Variants in IQSEC1 observed in about 807,000 individuals in gnomAD.
IQSEC1 encodes IQ motif and Sec7 domain ArfGEF 1.
IQSEC1 carries 31 observed loss-of-function variants against 91.0 expected under a neutral mutation model. The observed-to-expected ratio is 0.34, with a 90% CI of 0.26 to 0.46. The LOEUF is 0.46. Ranked by LOEUF, IQSEC1 falls within the 20% of genes least tolerant of loss-of-function variation. IQSEC1 has a pLI of 1.00. For synonymous variants in IQSEC1, 699 were observed against 662.6 expected, an observed-to-expected ratio of 1.05 and a Z score of -0.84; for missense variants, 1,388 against 1,575.6, an observed-to-expected ratio of 0.88 and a Z score of 2.02.
At chr3:13,240,330 C>G (rs145477286) in intron 1 of IQSEC1, among the ~76,000 whole-genome samples, 1 of 152,162 alleles carries the variant, frequency 6.6e-6, no homozygotes, top group Non-Finnish European at 1.5e-5. Context: ...ATAATGACAG[C>G]ACTGCACTCC....
intron 1 of IQSEC1, among the ~76,000 whole-genome samples, chr3:13,063,508 C>T (rs867660818): frequency 6.6e-6 from 1 of 152,088 alleles, no homozygotes; most frequent in East Asian, 1.9e-4. Flanking sequence ...CAGGAGTGGC[C>T]GTCAGCAGGG....
At chr3:13,144,490 G>A (rs912601978) in intron 2 of IQSEC1, among the ~76,000 whole-genome samples, 6 of 152,140 alleles carry the variant, frequency 3.9e-5, no homozygotes, top group Admixed American at 3.3e-4. Flanking sequence ...TCCCTCCCTC[G>A]GCATGGCATC....
Position 13,003,898 on chromosome 3 carries a change from A to T in IQSEC1, c.24-62033T>A, listed in dbSNP as rs369327286. Among the ~76,000 whole-genome samples the T allele has an allele frequency of 1.6e-4, 25 of 152,364 alleles. No individual in the cohort carries two copies. The East Asian group carries it at 2.7e-3, about 16-fold the overall frequency. On this transcript the variant is annotated intron_variant, in intron 1 of 13. Transcript: ENST00000613206. ...TGAAAGTTACATATGGCATGTTTGC[A>T]GTGACATCTCAAATGCTTCTAAGGG...
rs563385428 is a variant in IQSEC1 at position 12,935,187 on chromosome 3, A to G, written c.1568+261T>C. Among the ~76,000 whole-genome samples, 9 of 152,292 alleles carry G rather than the reference A, an allele frequency of 5.9e-5. No individual in the cohort carries two copies. In the South Asian group the frequency reaches 1.9e-3, roughly 32 times the overall value. On this transcript the variant is annotated intron_variant, in intron 3 of 13. Coordinates refer to ENST00000613206, the MANE Select transcript of IQSEC1 (RefSeq NM_001134382.3). This position sits in a 1 kb window ranked among gnomAD's most constrained non-coding sequence, Gnocchi z 8.0. ...ATGGGACGGAAGGGCCCGGGACTCA[A>G]GTTGCTTCGGCACAGAAAGCTCCCA... is the stretch of plus-strand genomic sequence containing the variant.
intron 1 of IQSEC1, among the ~76,000 whole-genome samples, chr3:13,239,646 C>G (rs1472645250): frequency 6.6e-6 from 1 of 152,256 alleles, no homozygotes; most frequent in African/African-American, 2.4e-5. Context: ...ACCCCACTTA[C>G]TGAGGACAAA....
chr3:12,907,199 T>C (rs530773258), intron 12 of IQSEC1, among the ~76,000 whole-genome samples: 3 of 152,268 alleles, frequency 2.0e-5, no homozygotes, highest in Admixed American at 2.0e-4. Flanking sequence ...ATTTCTGATT[T>C]TTTTACCATG....
chr3:13,251,097 C>T (rs953567280), intron 1 of IQSEC1, among the ~76,000 whole-genome samples: 3 of 152,214 alleles, frequency 2.0e-5, no homozygotes, highest in African/African-American at 4.8e-5. Flanking sequence ...CCTTGCCATT[C>T]CCCCAACAAG....
intron 1 of IQSEC1, among the ~76,000 whole-genome samples, chr3:13,017,361 C>T (rs891340393): frequency 1.3e-5 from 2 of 152,248 alleles, no homozygotes; most frequent in Non-Finnish European, 2.9e-5. Context: ...TAGCCCGGGG[C>T]AGCAAACAAT....
rs998319851 is a variant in IQSEC1, at chr3:13,111,549, C to T, written c.302+52555G>A. Among the ~76,000 whole-genome samples the T allele has an allele frequency of 2.6e-5, 4 of 152,282 alleles. No homozygotes were observed. In the East Asian group the frequency reaches 7.7e-4, roughly 29 times the overall value. Reference sequence around the variant, plus strand: ...GGGCTAAACTCCTTCTAATTGAGAGCTGAGTGTTAGGGACTGAATGTTTGT... The same window carrying T: ...GGGCTAAACTCCTTCTAATTGAGAGTTGAGTGTTAGGGACTGAATGTTTGT... On this transcript the variant is annotated intron_variant, in intron 2 of 15. Transcript: ENST00000648114.
Position 13,071,165 on chromosome 3 carries a change from TTG to T in IQSEC1, c.23+1825_23+1826del, listed in dbSNP as rs1160413662. 5.7e-3 allele frequency among the ~76,000 whole-genome samples: 454 copies of T among 79,304 alleles called. 10 individuals carry two copies. Among genetic ancestry groups the T allele is most frequent in the African/African-American group, 0.013 (315 of 23,606 alleles). 52.0% of individuals were successfully genotyped at this position (79,304 alleles called of 152,430 possible). A position where few individuals can be genotyped will look rare whatever the true frequency, so the allele number is the denominator to read the frequency against. The stretch of plus-strand genomic sequence containing the variant: ...ACAGTTTTTTTTTGTTTTTTTTTTT[TTG>T]TTTGTTTCTTTAACTGCTCCTCAAG... On this transcript the variant is annotated intron_variant, in intron 1 of 13. Coordinates refer to ENST00000613206, the MANE Select transcript of IQSEC1 (RefSeq NM_001134382.3).
rs1342421062 is a variant in IQSEC1 at position 13,033,670 on chromosome 3, A to G, written c.23+39322T>C. Among the ~76,000 whole-genome samples, 15 of 152,280 alleles carry G rather than the reference A, an allele frequency of 9.9e-5. No homozygotes were observed. In the East Asian group the frequency reaches 2.5e-3, roughly 25 times the overall value. ...AATGCCAGCAGGCTTGAGACCCAAG[A>G]AGAGTCCGTGTTTCAATCTGAGTCT... On this transcript the variant is annotated intron_variant, in intron 1 of 13. Transcript: ENST00000613206.
rs575285271 is a variant in IQSEC1 at position 13,130,570 on chromosome 3, T to G, written c.302+33534A>C. Among the ~76,000 whole-genome samples the G allele has an allele frequency of 1.3e-4, 20 of 152,144 alleles. No individual in the cohort carries two copies. In the South Asian group the frequency reaches 2.9e-3, roughly 22 times the overall value. On this transcript the variant is annotated intron_variant, in intron 2 of 15. Coordinates refer to the IQSEC1 transcript ENST00000648114. ...TAGGTAGAGTGTTAATCAGGTTAAG[T>G]TGGTTGACAGTGTTGCTAAAGTCTT...
rs1706091681 is a variant in IQSEC1 at position 13,103,078 on chromosome 3, A to C, written c.303-55556T>G. 6.6e-6 allele frequency among the ~76,000 whole-genome samples: 1 copy of C among 151,880 alleles called. No homozygotes were observed. The highest frequency in any genetic ancestry group is 2.4e-5 in the African/African-American group (1 of 41,368). ...GACTCTGACTTCTGCGCAGGGATGC[A>C]GCTTGCTCCCATGCTCTGAAGTAGA... is the stretch of plus-strand genomic sequence containing the variant. On this transcript the variant is annotated intron_variant, in intron 2 of 15. Coordinates refer to the IQSEC1 transcript ENST00000648114. This position sits in a 1 kb window ranked among gnomAD's most constrained non-coding sequence, Gnocchi z 4.1.
chr3:12,961,378 G>A (rs1023581247), intron 1 of IQSEC1, among the ~76,000 whole-genome samples: 15 of 152,352 alleles, frequency 9.8e-5, no homozygotes, highest in Admixed American at 2.0e-4. Context: ...CCAACTGCAA[G>A]CTGCCTTACT....
intron 1 of IQSEC1, among the ~76,000 whole-genome samples, chr3:13,268,162 G>C (rs1333304203): frequency 6.6e-6 from 1 of 152,216 alleles, no homozygotes; most frequent in East Asian, 1.9e-4. Flanking sequence ...CAGAGCCCAA[G>C]AGCTCAGCCA....
chr3:13,090,157 G>A (rs1214867410), intron 2 of IQSEC1, among the ~76,000 whole-genome samples: 1 of 151,832 alleles, frequency 6.6e-6, no homozygotes, highest in Non-Finnish European at 1.5e-5. Context: ...GGCGGAGCTT[G>A]CAGTGAGCCA....
intron 1 of IQSEC1, among the ~76,000 whole-genome samples, chr3:13,204,610 G>T (rs1694307139): frequency 6.6e-6 from 1 of 152,176 alleles, no homozygotes; most frequent in Admixed American, 6.5e-5. Context: ...CGGGGAGATC[G>T]CCCGGGATTC....
In IQSEC1 at chr3:12,952,105, C is replaced by T. The variant is rs140211237; in HGVS notation, c.24-10240G>A. Among the ~76,000 whole-genome samples the T allele has an allele frequency of 2.3e-3, 350 of 152,234 alleles. 2 individuals carry two copies. Among genetic ancestry groups the T allele is most frequent in the African/African-American group, 8.0e-3 (333 of 41,526 alleles). On this transcript the variant is annotated intron_variant, in intron 1 of 13. Transcript: ENST00000613206. The stretch of plus-strand genomic sequence containing the variant: ...CAGAAGTCACCCCTACAGGGCGTGG[C>T]GGGAGAAGGTGGGGGTCAGGAGGGT...
chr3:12,901,211 C>T lies in IQSEC1; in HGVS notation c.3117G>A (p.Pro1039=), dbSNP rs73141360. ...TQYCHMQNPP[P]YHHHHHHHPP... is the part of the protein sequence containing the mutation. ...GGTGGTGGTGGTGGTGATGGTGGTACGGGGGAGGGTTCTGCATGTGGCAGT... is the reference window on the plus strand; with the variant it reads ...GGTGGTGGTGGTGGTGATGGTGGTATGGGGGAGGGTTCTGCATGTGGCAGT... The change falls in exon 14 of 14, where the codon CCG becomes CCA. Residue 1039 remains proline, a synonymous_variant. Coordinates refer to ENST00000613206, the MANE Select transcript of IQSEC1 (RefSeq NM_001134382.3). 5.2e-3 allele frequency: 7,972 copies of T among 1,545,674 alleles called. 297 individuals are homozygous for T. In the African/African-American group the frequency reaches 0.091, roughly 18 times the overall value.
Sources: gnomAD v4.1 joint callset for allele counts (sites outside exome capture counted in the v4.1 genomes callset) on GRCh38, gnomAD v4.1.1 for gene constraint, Gnocchi (gnomAD v3.1) non-coding constraint, MANE v1.5 for transcripts, NCBI Gene and HGNC (gene_info 2026-07-23, HGNC 2026-07-21) for gene names.